Variants in ANKH observed in about 807,000 individuals in gnomAD.
The protein encoded by ANKH is mineralization regulator ANKH.
ANKH carries 15 observed loss-of-function variants against 49.0 expected under a neutral mutation model. The observed-to-expected ratio is 0.31, with a 90% CI of 0.20 to 0.47. ANKH has a LOEUF of 0.47. Among genes scored for constraint, ANKH ranks in the 20% least tolerant of loss-of-function variants. The pLI is 1.00. For synonymous variants in ANKH, 273 were observed against 260.0 expected, an observed-to-expected ratio of 1.05 and a Z score of -0.48; for missense variants, 429 against 652.0, an observed-to-expected ratio of 0.66 and a Z score of 3.72.
At chr5:14,838,082 G>T (rs1329213808) in intron 1 of ANKH, among the ~76,000 whole-genome samples, 1 of 152,144 alleles carries the variant, frequency 6.6e-6, no homozygotes, top group Non-Finnish European at 1.5e-5. Context: ...TTGGACACAG[G>T]GTGGGAAACA....
intron 1 of ANKH, among the ~76,000 whole-genome samples, chr5:14,827,752 AT>A (rs58139790): frequency 6.6e-6 from 1 of 151,696 alleles, no homozygotes; most frequent in Non-Finnish European, 1.5e-5. Flanking sequence ...CCTAAGACCT[AT>A]TTTTTTTGGG....
chr5:14,871,279 C>T, intron 1 of ANKH, 73 bp downstream of exon 1: 2 of 1,350,734 alleles, frequency 1.5e-6, no homozygotes, highest in South Asian at 1.2e-5. Flanking sequence ...AGGTGACTCC[C>T]CTCCGCCCCC....
intron 1 of ANKH, among the ~76,000 whole-genome samples, chr5:14,784,986 C>G (rs79292776): frequency 0.011 from 1,696 of 152,284 alleles, 31 homozygotes; most frequent in African/African-American, 0.039. Context: ...AGCGCTCTTC[C>G]AGTGACTCTG....
At position 14,809,132 on chromosome 5, in the gene ANKH, C is replaced by T. The variant is rs1472056201; in HGVS notation, c.97-39941G>A. The stretch of plus-strand genomic sequence containing the variant: ...TTCTCACTCATAGGTGGGAATTGAA[C>T]AATGAGATCACATGGACACAGGAAG... On this transcript the variant is annotated intron_variant, in intron 1 of 11. Coordinates refer to ENST00000284268, the MANE Select transcript of ANKH (RefSeq NM_054027.6). Among the ~76,000 whole-genome samples the T allele has an allele frequency of 2.5e-5, 3 of 119,798 alleles. 1 individual carries two copies. The highest frequency in any genetic ancestry group is 5.1e-5 in the Non-Finnish European group (3 of 59,102). The allele number at this position is 119,798 out of a possible 152,430, so 78.6% of individuals were successfully genotyped here.
chr5:14,778,785 T>C (rs1424124145), intron 1 of ANKH, among the ~76,000 whole-genome samples: 1 of 152,206 alleles, frequency 6.6e-6, no homozygotes, highest in African/African-American at 2.4e-5. Context: ...TGGATTCACC[T>C]GACTGACCTA....
At chr5:14,818,402 G>T (rs1296089667) in intron 1 of ANKH, among the ~76,000 whole-genome samples, 1 of 151,954 alleles carries the variant, frequency 6.6e-6, no homozygotes, top group Admixed American at 6.6e-5. Context: ...CACTTTGGGG[G>T]GCTGAGGCAG....
chr5:14,761,300 G>A (rs921332019), intron 2 of ANKH, among the ~76,000 whole-genome samples: 2 of 152,082 alleles, frequency 1.3e-5, no homozygotes, highest in Non-Finnish European at 2.9e-5. Flanking sequence ...ACTTTGTTAC[G>A]GCAGCCCTGG....
At chr5:14,728,250 C>G (rs1390453131) in intron 8 of ANKH, among the ~76,000 whole-genome samples, 5 of 152,356 alleles carry the variant, frequency 3.3e-5, no homozygotes, top group Middle Eastern at 3.4e-3. Context: ...ACAGGGCCTA[C>G]AGGGACTGTG....
intron 8 of ANKH, among the ~76,000 whole-genome samples, chr5:14,738,203 G>A (rs915944082): frequency 2.6e-5 from 4 of 152,268 alleles, no homozygotes; most frequent in African/African-American, 9.6e-5. Flanking sequence ...AAACAAACAC[G>A]TCATTGTAAC....
chr5:14,716,587 C>G, intron 9 of ANKH, 119 bp downstream of exon 9: 3 of 1,405,770 alleles, frequency 2.1e-6, no homozygotes, highest in Non-Finnish European at 3.0e-6. Flanking sequence ...TTGCATCTTT[C>G]TAAGCCACAG....
Position 14,710,599 on chromosome 5 carries a change from C to T in ANKH, c.*598G>A, listed in dbSNP as rs1020588440. 1 of 157,420 alleles carries T rather than the reference C, an allele frequency of 6.4e-6. No homozygotes were observed. The highest frequency in any genetic ancestry group is 6.1e-5 in the Admixed American group (1 of 16,440). The allele number at this position is 157,420 out of a possible 1,614,324, so 9.8% of individuals were successfully genotyped here. On this transcript the variant is annotated 3_prime_UTR_variant, in exon 12 of 12. Transcript: ENST00000284268. ...GTCAGCCTGCTGTGGTCACAGGTCT[C>T]CGTTCCTCAGTGTGAACGGGGACTC...
In ANKH at chr5:14,705,258, T is replaced by C. The variant is rs1736904325; in HGVS notation, c.*5939A>G. On this transcript the variant is annotated 3_prime_UTR_variant, in exon 12 of 12. Coordinates refer to ENST00000284268, the MANE Select transcript of ANKH (RefSeq NM_054027.6). ...GACAGCCACAGCCCATGTAGAGGAATGACTCTAAGCACACTTAATTTTGTT... is the reference window on the plus strand; with the variant it reads ...GACAGCCACAGCCCATGTAGAGGAACGACTCTAAGCACACTTAATTTTGTT... 6.6e-6 allele frequency: 1 copy of C among 152,092 alleles called. No homozygotes were observed. The highest frequency in any genetic ancestry group is 2.4e-5 in the African/African-American group (1 of 41,398). 9.4% of individuals were successfully genotyped at this position (152,092 alleles called of 1,614,324 possible). A position where few individuals can be genotyped will look rare whatever the true frequency, so the allele number is the denominator to read the frequency against.
intron 1 of ANKH, among the ~76,000 whole-genome samples, chr5:14,812,337 T>C (rs1048517149): frequency 6.6e-6 from 1 of 152,150 alleles, no homozygotes. Context: ...CCCTTTCTTC[T>C]GCCACCTGTT....
At chr5:14,831,123 C>T (rs964855547) in intron 1 of ANKH, among the ~76,000 whole-genome samples, 4 of 152,164 alleles carry the variant, frequency 2.6e-5, no homozygotes, top group Admixed American at 2.0e-4. Context: ...GGCTGGGCCA[C>T]AAATGCAGTT....
intron 8 of ANKH, among the ~76,000 whole-genome samples, chr5:14,719,158 T>G (rs1737585662): frequency 1.3e-5 from 2 of 152,220 alleles, no homozygotes; most frequent in African/African-American, 4.8e-5. Flanking sequence ...CAGCTTCCTA[T>G]GAGCTTCTGG....
chr5:14,771,921 GAAAAAAAAAAA>G (rs869185652), intron 1 of ANKH, among the ~76,000 whole-genome samples: 1 of 53,384 alleles, frequency 1.9e-5, no homozygotes, highest in Non-Finnish European at 3.8e-5. Flanking sequence ...CTCAAAAAAA[GAAAAAAAAAAA>G]AAAAAAAAAA....
Position 14,794,387 on chromosome 5 carries a change from C to T in ANKH, c.97-25196G>A, listed in dbSNP as rs560002109. On this transcript the variant is annotated intron_variant, in intron 1 of 11. Coordinates refer to ENST00000284268, the MANE Select transcript of ANKH (RefSeq NM_054027.6). ...GTGAAGTGCAGAGAGGGGCCCTGGC[C>T]GTGAACGTGGGCTAAAGACAGCTCG... is the stretch of plus-strand genomic sequence containing the variant. Among the ~76,000 whole-genome samples the T allele has an allele frequency of 7.2e-5, 11 of 152,338 alleles. No individual in the cohort carries two copies. The East Asian group carries it at 9.6e-4, about 13-fold the overall frequency.
rs546734800 is a variant in ANKH at position 14,803,655 on chromosome 5, T to A, written c.97-34464A>T. Reference sequence around the variant, plus strand: ...TTTTACACTTCTTCTTCTTCTATACTCCCTTGATCTTAGTAAAATCAAGGT... The same window carrying A: ...TTTTACACTTCTTCTTCTTCTATACACCCTTGATCTTAGTAAAATCAAGGT... On this transcript the variant is annotated intron_variant, in intron 1 of 11. Transcript: ENST00000284268. Among the ~76,000 whole-genome samples, 55 of 152,260 alleles carry A rather than the reference T, an allele frequency of 3.6e-4. 1 individual carries two copies. The highest frequency in any genetic ancestry group is 1.3e-3 in the African/African-American group (54 of 41,558).
Position 14,767,591 on chromosome 5 carries a change from G to A in ANKH, c.313+1384C>T, listed in dbSNP as rs577795206. On this transcript the variant is annotated intron_variant, in intron 2 of 11. Coordinates refer to ENST00000284268, the MANE Select transcript of ANKH (RefSeq NM_054027.6). ...TTCTTCCCGACAATTGCAATAACAC[G>A]GGATGCTTAGCTTTTCTCTTCCAGA... Among the ~76,000 whole-genome samples, 13 of 152,066 alleles carry A rather than the reference G, an allele frequency of 8.5e-5. No homozygotes were observed. In the South Asian group the frequency reaches 2.7e-3, roughly 32 times the overall value.
Sources: allele counts gnomAD v4.1 joint callset (sites outside exome capture counted in the v4.1 genomes callset), GRCh38; gene constraint gnomAD v4.1.1; transcripts MANE v1.5; gene names NCBI Gene and HGNC (gene_info 2026-07-23, HGNC 2026-07-21).